Variants in MAF observed in about 807,000 individuals in gnomAD.
The protein encoded by MAF is transcription factor Maf.
MAF carries 10 observed loss-of-function variants against 22.0 expected under a neutral mutation model. That is an observed-to-expected ratio of 0.45 (90% CI 0.28 to 0.77). MAF has a LOEUF of 0.77. Ranked by LOEUF, MAF falls within the 30% of genes least tolerant of loss-of-function variation. The probability of loss-of-function intolerance (pLI) is 0.12; values close to 1 mark genes in which losing one functional copy is unlikely to be tolerated. For missense variants in MAF, 544 were observed against 548.4 expected (o/e 0.99, Z 0.08); for synonymous variants, 337 against 255.8 (o/e 1.32, Z -3.03).
chr16:79,364,661 G>A, the MAF span, among the ~76,000 whole-genome samples: 9 of 152,180 alleles, frequency 5.9e-5, no homozygotes, highest in Non-Finnish European at 8.8e-5. Flanking sequence ...TCAGTTTCCA[G>A]AATCCATGTG....
chr16:79,330,082 A>C, the MAF span, among the ~76,000 whole-genome samples: 1 of 152,178 alleles, frequency 6.6e-6, no homozygotes, highest in Non-Finnish European at 1.5e-5. Context: ...TAGCAAGTCT[A>C]TTTTCATACC....
At chr16:79,297,400 G>T in the MAF span, among the ~76,000 whole-genome samples, 8 of 152,172 alleles carry the variant, frequency 5.3e-5, no homozygotes, top group Non-Finnish European at 1.0e-4. Context: ...TTGATGCTAT[G>T]AAAACAGGGA....
At chr16:79,598,587 T>TG (rs1369121647) in intron 1 of MAF, 198 bp downstream of exon 1, 2 of 1,336,018 alleles carry the variant, frequency 1.5e-6, no homozygotes, top group Admixed American at 4.3e-5. Context: ...GTGGGGTGTG[T>TG]GTGTGTGTGT....
the MAF span, among the ~76,000 whole-genome samples, chr16:79,524,612 G>A: frequency 6.6e-6 from 1 of 152,172 alleles, no homozygotes; most frequent in Non-Finnish European, 1.5e-5. Flanking sequence ...TTTTTAGTTT[G>A]AGTGTGTGTT....
At chr16:79,473,002 T>C in the MAF span, among the ~76,000 whole-genome samples, 4 of 151,834 alleles carry the variant, frequency 2.6e-5, no homozygotes, top group African/African-American at 9.7e-5. Flanking sequence ...TACATTCTGG[T>C]GGGAAGGACT....
the MAF span, among the ~76,000 whole-genome samples, chr16:79,401,330 G>T: frequency 6.6e-6 from 1 of 152,136 alleles, no homozygotes; most frequent in African/African-American, 2.4e-5. Flanking sequence ...ACACTGCCTT[G>T]CCATTCTCTC....
At chr16:79,206,139 C>A in the MAF span, 1 of 152,094 alleles carries the variant, frequency 6.6e-6, no homozygotes, top group Admixed American at 6.6e-5. Flanking sequence ...AAAAAAAAAT[C>A]TCCTTTTAAC....
At chr16:79,591,232 C>A (rs541932429), downstream of MAF, among the ~76,000 whole-genome samples, 1 of 152,116 alleles carries the variant, frequency 6.6e-6, no homozygotes, top group Non-Finnish European at 1.5e-5. Flanking sequence ...ATTCAGAATG[C>A]GAATCACTGG....
chr16:79,242,622 A>C, the MAF span, among the ~76,000 whole-genome samples: 2 of 152,036 alleles, frequency 1.3e-5, no homozygotes, highest in Non-Finnish European at 2.9e-5. Context: ...TTAACACCCC[A>C]CTGTCAATAT....
At chr16:79,479,027 G>A in the MAF span, among the ~76,000 whole-genome samples, 100 of 143,976 alleles carry the variant, frequency 6.9e-4, no homozygotes, top group African/African-American at 1.6e-3. Flanking sequence ...CCACCCCAGC[G>A]TATATTTATA....
the MAF span, among the ~76,000 whole-genome samples, chr16:79,276,429 T>C: frequency 2.0e-5 from 3 of 152,346 alleles, no homozygotes; most frequent in East Asian, 3.9e-4. Flanking sequence ...TCTTTCTGTC[T>C]CTTGAAACAT....
the MAF span, among the ~76,000 whole-genome samples, chr16:79,364,809 G>C: frequency 3.3e-5 from 5 of 152,304 alleles, no homozygotes; most frequent in South Asian, 1.0e-3. Context: ...CAGAACTATT[G>C]CATGTGTAGA....
chr16:79,404,936 G>T, the MAF span, among the ~76,000 whole-genome samples: 2 of 152,040 alleles, frequency 1.3e-5, no homozygotes, highest in East Asian at 3.9e-4. Flanking sequence ...CTCTCCTTCA[G>T]CATGTACTTA....
At chr16:79,283,000 A>T in the MAF span, among the ~76,000 whole-genome samples, 2 of 152,212 alleles carry the variant, frequency 1.3e-5, no homozygotes, top group Non-Finnish European at 2.9e-5. Flanking sequence ...AAATAGTCAA[A>T]ACCACAAATG....
At chr16:79,281,434 G>A in the MAF span, among the ~76,000 whole-genome samples, 3 of 152,196 alleles carry the variant, frequency 2.0e-5, no homozygotes, top group South Asian at 6.2e-4. Context: ...AATATTTAAG[G>A]TGAGCCTTGC....
At chr16:79,482,120 A>G in the MAF span, among the ~76,000 whole-genome samples, 1 of 152,232 alleles carries the variant, frequency 6.6e-6, no homozygotes, top group Non-Finnish European at 1.5e-5. Context: ...GGACGCATTG[A>G]CAAGATCCTT....
At chr16:79,327,261 G>C in the MAF span, among the ~76,000 whole-genome samples, 16 of 152,348 alleles carry the variant, frequency 1.1e-4, no homozygotes, top group African/African-American at 3.8e-4. Flanking sequence ...TATAGAACTA[G>C]TTCCCAGGCT....
At chr16:79,451,954 C>A in the MAF span, among the ~76,000 whole-genome samples, 8 of 152,176 alleles carry the variant, frequency 5.3e-5, no homozygotes. Context: ...GCTTTGCATG[C>A]ATTACTTTGT....
At chr16:79,502,859 C>G in the MAF span, among the ~76,000 whole-genome samples, 2 of 149,412 alleles carry the variant, frequency 1.3e-5, no homozygotes. Context: ...ATATTCTTTA[C>G]TCTCTTTAAC....
Sources: allele counts gnomAD v4.1 joint callset (sites outside exome capture counted in the v4.1 genomes callset), GRCh38; gene constraint gnomAD v4.1.1; transcripts MANE v1.5; gene names NCBI Gene and HGNC (gene_info 2026-07-23, HGNC 2026-07-21).